ABI3BP: variants seen among roughly 807,000 people sequenced by gnomAD.
ABI3BP encodes the protein ABI family member 3 binding protein.
In ABI3BP, 216 loss-of-function variants were observed where a neutral mutation model predicts 268.6. The ratio of observed to expected loss-of-function variants is 0.80; its 90% CI spans 0.72 to 0.90. The LOEUF is 0.90. ABI3BP is among the 40% of genes least tolerant of loss of function. The probability of loss-of-function intolerance (pLI) is 0.00; values close to 1 mark genes in which losing one functional copy is unlikely to be tolerated. For synonymous variants in ABI3BP, 730 were observed against 730.0 expected (o/e 1.00, Z 0.00); for missense variants, 2,090 against 2,182.4 (o/e 0.96, Z 0.84).
At chr3:100,889,157 T>C (rs2043312106) in intron 4 of ABI3BP, among the ~76,000 whole-genome samples, 1 of 152,102 alleles carries the variant, frequency 6.6e-6, no homozygotes, top group African/African-American at 2.4e-5. Flanking sequence ...ACACAATAAA[T>C]TTCTGCATTA....
At position 100,834,643 on chromosome 3, in the gene ABI3BP, C is replaced by T. The variant is rs2152843396; in HGVS notation, c.2281+41G>A. 3.3e-6 allele frequency: 5 copies of T among 1,521,652 alleles called. No homozygotes were observed. The South Asian group carries it at 4.8e-5, about 15-fold the overall frequency. 94.3% of individuals were successfully genotyped at this position (1,521,652 alleles called of 1,614,324 possible). A position where few individuals can be genotyped will look rare whatever the true frequency, so the allele number is the denominator to read the frequency against. On this transcript the variant is annotated intron_variant, in intron 29 of 67. Coordinates refer to ENST00000471714, the MANE Select transcript of ABI3BP (RefSeq NM_001375547.2). ...TAAACTGCCACCCCCATGCCACATC[C>T]AATGGGATGCCACAGGGACAAGGAA... is the stretch of plus-strand genomic sequence containing the variant.
In ABI3BP at chr3:100,968,392, G is replaced by A. The variant is rs1035871188; in HGVS notation, c.79+24914C>T. Among the ~76,000 whole-genome samples the A allele has an allele frequency of 2.0e-5, 3 of 152,164 alleles. No homozygotes were observed. The South Asian group carries it at 6.2e-4, about 32-fold the overall frequency. ...ATTATTCTCTTGCATAATAAGAAAT[G>A]TATACAGCTATACAAGAAATACATA... On this transcript the variant is annotated intron_variant, in intron 1 of 67. Transcript: ENST00000471714.
intron 3 of ABI3BP, among the ~76,000 whole-genome samples, chr3:100,899,166 A>G (rs1306678686): frequency 6.6e-6 from 1 of 152,242 alleles, no homozygotes; most frequent in Non-Finnish European, 1.5e-5. Context: ...ACATATTAAC[A>G]ATATCCAGCT....
At chr3:100,893,293 G>A (rs377451936) in intron 4 of ABI3BP, among the ~76,000 whole-genome samples, 11 of 152,048 alleles carry the variant, frequency 7.2e-5, no homozygotes, top group African/African-American at 2.2e-4. Context: ...TTTGGGACGC[G>A]GACTGGCTTC....
intron 4 of ABI3BP, among the ~76,000 whole-genome samples, chr3:100,886,890 T>C (rs1328080681): frequency 6.6e-6 from 1 of 152,006 alleles, no homozygotes; most frequent in East Asian, 1.9e-4. Context: ...TAAAAAAAGT[T>C]AATGCCAATT....
chr3:100,821,383 T>C (rs940409103), intron 38 of ABI3BP, among the ~76,000 whole-genome samples: 3 of 152,136 alleles, frequency 2.0e-5, no homozygotes, highest in Non-Finnish European at 4.4e-5. Context: ...AACTCATCTT[T>C]GGAAAGAGAC....
At chr3:100,987,917 A>C (rs1414659250) in intron 1 of ABI3BP, among the ~76,000 whole-genome samples, 1 of 152,244 alleles carries the variant, frequency 6.6e-6, no homozygotes, top group Non-Finnish European at 1.5e-5. Context: ...ACATCAATAA[A>C]ACTGTCAAGA....
intron 63 of ABI3BP, among the ~76,000 whole-genome samples, chr3:100,765,399 T>C (rs2096228213): frequency 6.6e-6 from 1 of 152,238 alleles, no homozygotes; most frequent in African/African-American, 2.4e-5. Context: ...GAGACTAGTC[T>C]GTAGTTATTT....
At chr3:100,756,306 C>T (rs922671513) in intron 63 of ABI3BP, among the ~76,000 whole-genome samples, 8 of 152,240 alleles carry the variant, frequency 5.3e-5, no homozygotes, top group Non-Finnish European at 8.8e-5. Flanking sequence ...AGGCAGATCA[C>T]ATGAGGTCCT....
intron 2 of ABI3BP, among the ~76,000 whole-genome samples, chr3:100,904,117 A>G (rs1296288302): frequency 1.3e-5 from 2 of 152,178 alleles, no homozygotes; most frequent in Non-Finnish European, 2.9e-5. Context: ...TGGATACTAT[A>G]TTGAGAACCT....
At chr3:100,922,297 A>G (rs1455572595) in intron 2 of ABI3BP, among the ~76,000 whole-genome samples, 1 of 152,202 alleles carries the variant, frequency 6.6e-6, no homozygotes, top group Non-Finnish European at 1.5e-5. Flanking sequence ...GGCAGAGAGG[A>G]TAATGCCCCC....
chr3:100,962,718 G>T (rs1013940138), intron 1 of ABI3BP, among the ~76,000 whole-genome samples: 1 of 152,102 alleles, frequency 6.6e-6, no homozygotes, highest in Non-Finnish European at 1.5e-5. Context: ...TTCTCTGACT[G>T]GTCCTTTCTG....
rs937112440 is a variant in ABI3BP, at chr3:100,796,304, T to C, written c.3817+105A>G. 12 of 865,400 alleles carry C rather than the reference T, an allele frequency of 1.4e-5. No individual in the cohort carries two copies. The African/African-American group carries it at 2.1e-4, about 15-fold the overall frequency. 53.6% of individuals were successfully genotyped at this position (865,400 alleles called of 1,614,324 possible). A position where few individuals can be genotyped will look rare whatever the true frequency, so the allele number is the denominator to read the frequency against. On this transcript the variant is annotated intron_variant, in intron 52 of 67. Coordinates refer to ENST00000471714, the MANE Select transcript of ABI3BP (RefSeq NM_001375547.2). ...ATGCATTTTATACCCATATTTTTTC[T>C]CTAAATTTCTTCCATATCACAACCA...
chr3:100,896,112 T>C (rs1219725012), intron 4 of ABI3BP, among the ~76,000 whole-genome samples: 1 of 152,254 alleles, frequency 6.6e-6, no homozygotes, highest in Non-Finnish European at 1.5e-5. Flanking sequence ...CTTGTCATTA[T>C]TGTATCTTTC....
Position 100,894,952 on chromosome 3 carries a change from A to AAAAAAAAAAAAACAAAAAC in ABI3BP, c.461+3809_461+3810insGTTTTTGTTTTTTTTTTTT, listed in dbSNP as rs1561384056. Among the ~76,000 whole-genome samples, 14 of 111,722 alleles carry AAAAAAAAAAAAACAAAAAC rather than the reference A, an allele frequency of 1.3e-4. 1 individual carries two copies. Among genetic ancestry groups the AAAAAAAAAAAAACAAAAAC allele is most frequent in the Non-Finnish European group, 3.2e-4 (14 of 44,098 alleles). 73.3% of individuals were successfully genotyped at this position (111,722 alleles called of 152,430 possible). ...GGATTCCGCTTCAAAAAAAAAAAAAAAAAAAAAAAAAAAAACAGAAAAAAA... is the reference window on the plus strand; with the variant it reads ...GGATTCCGCTTCAAAAAAAAAAAAAAAAAAAAAAAAAACAAAAACAAAAAAAAAAAAAAACAGAAAAAAA... On this transcript the variant is annotated intron_variant, in intron 4 of 67. Coordinates refer to ENST00000471714, the MANE Select transcript of ABI3BP (RefSeq NM_001375547.2).
chr3:100,927,279 G>A (rs888495076), intron 1 of ABI3BP, among the ~76,000 whole-genome samples: 2 of 152,156 alleles, frequency 1.3e-5, no homozygotes, highest in Non-Finnish European at 2.9e-5. Flanking sequence ...ACCAAATGGT[G>A]AGGAAACACA....
intron 6 of ABI3BP, among the ~76,000 whole-genome samples, chr3:100,882,576 C>T (rs2039925422): frequency 6.6e-6 from 1 of 151,912 alleles, no homozygotes; most frequent in Admixed American, 6.6e-5. Context: ...CTCATCAGAG[C>T]TGGCTGGAGT....
intron 50 of ABI3BP, among the ~76,000 whole-genome samples, chr3:100,805,593 C>T (rs558953735): frequency 2.6e-5 from 4 of 152,122 alleles, no homozygotes; most frequent in African/African-American, 9.6e-5. Flanking sequence ...ATTACTAGCT[C>T]CTCTTTAAAG....
At chr3:100,835,471 A>T in intron 28 of ABI3BP, 130 bp downstream of exon 28, 2 of 694,202 alleles carry the variant, frequency 2.9e-6, no homozygotes, top group Non-Finnish European at 4.6e-6. Flanking sequence ...CAAAATGAAG[A>T]ATATAGTTCA....
Sources: allele counts gnomAD v4.1 joint callset (sites outside exome capture counted in the v4.1 genomes callset), GRCh38; gene constraint gnomAD v4.1.1; transcripts MANE v1.5; gene names NCBI Gene and HGNC (gene_info 2026-07-23, HGNC 2026-07-21).